GSK3B: variants seen among roughly 807,000 people sequenced by gnomAD.
The protein encoded by GSK3B is glycogen synthase kinase-3 beta.
A neutral mutation model predicts 56.4 loss-of-function variants in GSK3B; 15 were observed. The observed-to-expected ratio is 0.27, with a 90% CI of 0.18 to 0.41. The LOEUF (loss-of-function observed/expected upper bound fraction) is 0.41. Ranked by LOEUF, GSK3B falls within the 10% of genes least tolerant of loss-of-function variation. The pLI is 1.00. For synonymous variants in GSK3B, 181 were observed against 188.9 expected (o/e 0.96, Z 0.34); for missense variants, 300 against 513.4 (o/e 0.58, Z 4.02).
chr3:120,056,737 G>C (rs143086175), intron 1 of GSK3B, among the ~76,000 whole-genome samples: 2,143 of 152,304 alleles, frequency 0.014, 21 homozygotes, highest in South Asian at 0.038. Context: ...GTTTCTCTGA[G>C]CATGACCCCA....
chr3:119,938,257 G>T (rs1270149942), intron 3 of GSK3B, among the ~76,000 whole-genome samples: 1 of 151,924 alleles, frequency 6.6e-6, no homozygotes. Flanking sequence ...AAAGGAAGGA[G>T]CACTTCTTAC....
intron 2 of GSK3B, among the ~76,000 whole-genome samples, chr3:119,972,466 C>T (rs962747716): frequency 5.3e-5 from 8 of 152,202 alleles, no homozygotes; most frequent in Non-Finnish European, 8.8e-5. Context: ...GACGGAGTCT[C>T]GCTCTGTAGT....
chr3:119,842,785 T>C (rs534928447), intron 10 of GSK3B, among the ~76,000 whole-genome samples: 2 of 152,324 alleles, frequency 1.3e-5, no homozygotes, highest in East Asian at 1.9e-4. Context: ...TTTTGTTTTA[T>C]GCTTTTTGGA....
intron 1 of GSK3B, among the ~76,000 whole-genome samples, chr3:120,025,034 G>A (rs546452565): frequency 1.5e-4 from 23 of 152,284 alleles, no homozygotes; most frequent in Non-Finnish European, 2.2e-4. Context: ...TGTGTGTCAG[G>A]AGATGGGGAG....
At chr3:119,879,028 G>A (rs998097126) in intron 7 of GSK3B, among the ~76,000 whole-genome samples, 8 of 152,118 alleles carry the variant, frequency 5.3e-5, no homozygotes, top group African/African-American at 1.9e-4. Context: ...CTTTAAATAT[G>A]TGCAGTTTTA....
chr3:120,068,388 C>T (rs1156489843), intron 1 of GSK3B, among the ~76,000 whole-genome samples: 7 of 114,180 alleles, frequency 6.1e-5, no homozygotes, highest in Non-Finnish European at 1.2e-4. Context: ...GAGACTCCGT[C>T]TCAAAAAAAA....
At chr3:120,031,967 A>G (rs546426490) in intron 1 of GSK3B, among the ~76,000 whole-genome samples, 38 of 152,264 alleles carry the variant, frequency 2.5e-4, no homozygotes, top group African/African-American at 9.1e-4. Context: ...CTGGATTAAC[A>G]CTTAATGTCT....
chr3:119,895,952 A>G (rs13315412), intron 7 of GSK3B, among the ~76,000 whole-genome samples: 2,763 of 151,280 alleles, frequency 0.018, 91 homozygotes, highest in African/African-American at 0.064. Context: ...CATGGTGAAA[A>G]CCTATCTATA....
At chr3:119,877,882 A>C (rs145479207) in intron 7 of GSK3B, among the ~76,000 whole-genome samples, 334 of 152,294 alleles carry the variant, frequency 2.2e-3, no homozygotes, top group Admixed American at 3.3e-3. Context: ...TTTGAAGAGA[A>C]ATACCACATA....
At chr3:119,935,960 T>A (rs1365149912) in intron 3 of GSK3B, among the ~76,000 whole-genome samples, 2 of 152,078 alleles carry the variant, frequency 1.3e-5, no homozygotes, top group Admixed American at 1.3e-4. Flanking sequence ...TCAACTTATA[T>A]AAAACACCAT....
In GSK3B at chr3:119,886,089, C is replaced by T. The variant is rs193212133; in HGVS notation, c.814-9581G>A. ...TCTGCATAGCAAAAACAACTATCAG[C>T]AGAATAAACAGACAACTTACAGAAT... On this transcript the variant is annotated intron_variant, in intron 7 of 10. Coordinates refer to ENST00000264235, the MANE Select transcript of GSK3B (RefSeq NM_001146156.2). Among the ~76,000 whole-genome samples, 736 of 152,174 alleles carry T rather than the reference C, an allele frequency of 4.8e-3. 11 individuals are homozygous for T. The highest frequency in any genetic ancestry group is 0.017 in the African/African-American group (716 of 41,516).
intron 4 of GSK3B, among the ~76,000 whole-genome samples, chr3:119,917,423 C>T (rs1056582135): frequency 3.9e-5 from 6 of 152,074 alleles, no homozygotes; most frequent in Admixed American, 1.3e-4. Flanking sequence ...AAAATTAAGG[C>T]ATTTAGGTAT....
At chr3:120,038,039 T>C (rs1289979686) in intron 1 of GSK3B, among the ~76,000 whole-genome samples, 1 of 152,210 alleles carries the variant, frequency 6.6e-6, no homozygotes, top group Admixed American at 6.5e-5. Flanking sequence ...ATATTGTTCA[T>C]TTAACCTAAA....
intron 1 of GSK3B, among the ~76,000 whole-genome samples, chr3:120,028,446 A>G (rs1257677798): frequency 6.6e-6 from 1 of 152,238 alleles, no homozygotes; most frequent in Non-Finnish European, 1.5e-5. Context: ...CTAGCCTACA[A>G]GAGATTAAAA....
chr3:119,962,374 TCAA>T (rs2057280301), intron 2 of GSK3B, among the ~76,000 whole-genome samples: 1 of 32,498 alleles, frequency 3.1e-5, no homozygotes, highest in Non-Finnish European at 5.2e-5. Flanking sequence ...AAACTCTGTC[TCAA>T]AAAAAAAAAA....
In GSK3B at chr3:119,902,075, AGAACT is replaced by A. The variant is rs142976539; in HGVS notation, c.813+3675_813+3679del. Among the ~76,000 whole-genome samples, 469 of 152,304 alleles carry A rather than the reference AGAACT, an allele frequency of 3.1e-3. 2 individuals carry two copies. The highest frequency in any genetic ancestry group is 0.011 in the African/African-American group (455 of 41,572). Reference sequence around the variant, plus strand: ...CATGACTATTACCTTAAAAAACGTGAGAACTGAACTGGGCATTTATGAGACCACCT... The same window carrying A: ...CATGACTATTACCTTAAAAAACGTGAGAACTGGGCATTTATGAGACCACCT... On this transcript the variant is annotated intron_variant, in intron 7 of 10. Coordinates refer to ENST00000264235, the MANE Select transcript of GSK3B (RefSeq NM_001146156.2).
intron 1 of GSK3B, among the ~76,000 whole-genome samples, chr3:120,059,783 A>G (rs574716487): frequency 1.3e-5 from 2 of 152,330 alleles, no homozygotes; most frequent in African/African-American, 4.8e-5. Context: ...GTATCAGGGA[A>G]CAAAGTTCTG....
intron 1 of GSK3B, among the ~76,000 whole-genome samples, chr3:120,036,698 C>G (rs2058025771): frequency 7.1e-6 from 1 of 141,242 alleles, no homozygotes; most frequent in African/African-American, 2.7e-5. Context: ...GAGGCTGAGG[C>G]AAGAGAATTG....
intron 1 of GSK3B, among the ~76,000 whole-genome samples, chr3:120,008,838 C>T (rs2057752899): frequency 1.3e-5 from 2 of 152,104 alleles, no homozygotes; most frequent in South Asian, 2.1e-4. Flanking sequence ...GCAATGGCAA[C>T]AAAAGCCAAA....
Sources: gnomAD v4.1 joint callset for allele counts (sites outside exome capture counted in the v4.1 genomes callset) on GRCh38, gnomAD v4.1.1 for gene constraint, MANE v1.5 for transcripts, NCBI Gene and HGNC (gene_info 2026-07-23, HGNC 2026-07-21) for gene names.